Variants in CPSF6 observed in about 807,000 individuals in gnomAD.
CPSF6 encodes the protein cleavage and polyadenylation specificity factor subunit 6.
CPSF6 carries 10 observed loss-of-function variants against 56.7 expected under a neutral mutation model. The observed-to-expected ratio is 0.18, with a 90% CI of 0.11 to 0.30. The LOEUF (loss-of-function observed/expected upper bound fraction) is 0.30. Among genes scored for constraint, CPSF6 ranks in the 10% least tolerant of loss-of-function variants. The probability of loss-of-function intolerance (pLI) is 1.00; values close to 1 mark genes in which losing one functional copy is unlikely to be tolerated. For missense variants in CPSF6, 419 were observed against 722.9 expected (o/e 0.58, Z 4.82); for synonymous variants, 248 against 244.8 (o/e 1.01, Z -0.12).
At chr12:69,242,215 C>A (rs564576508) in intron 1 of CPSF6, among the ~76,000 whole-genome samples, 74 of 148,960 alleles carry the variant, frequency 5.0e-4, no homozygotes, top group Admixed American at 2.4e-3. Context: ...AAAAAAAAAT[C>A]TTTGTTTTCC....
rs1290118981 is a variant in CPSF6 at position 69,258,935 on chromosome 12, C to A, written c.1040C>A (p.Pro347His). 6.2e-7 allele frequency: 1 copy of A among 1,614,038 alleles called. No individual in the cohort carries two copies. The highest frequency in any genetic ancestry group is 2.2e-5 in the East Asian group (1 of 44,892). The change falls in exon 6 of 10, where the codon CCT becomes CAT. Residue 347 changes from proline (P) to histidine (H), a missense_variant. Coordinates refer to ENST00000435070, the MANE Select transcript of CPSF6 (RefSeq NM_007007.3). This position sits in a 1 kb window ranked among gnomAD's most constrained non-coding sequence, Gnocchi z 4.2. ...LAPPPHLPGP[P>H]PGAPPPAPHV... is the part of the protein sequence containing the mutation. The stretch of plus-strand genomic sequence containing the variant: ...CCTCCTCCGCATCTTCCTGGACCAC[C>A]TCCAGGTGCCCCACCGCCAGCTCCG...
chr12:69,256,069 G>C (rs576407724), intron 3 of CPSF6, among the ~76,000 whole-genome samples: 1 of 152,326 alleles, frequency 6.6e-6, no homozygotes, highest in African/African-American at 2.4e-5. Flanking sequence ...GGTGATGCAT[G>C]CTGTAACAGT....
intron 8 of CPSF6, among the ~76,000 whole-genome samples, chr12:69,260,504 C>T (rs954482137): frequency 6.6e-6 from 1 of 152,136 alleles, no homozygotes; most frequent in Non-Finnish European, 1.5e-5. Context: ...CCATATTTCT[C>T]CTTTTCTTTA....
At chr12:69,239,924 G>C (rs1439217474) in intron 1 of CPSF6, among the ~76,000 whole-genome samples, 1 of 149,464 alleles carries the variant, frequency 6.7e-6, no homozygotes, top group Non-Finnish European at 1.5e-5. Flanking sequence ...GCGGGGCCCG[G>C]AGCGCGGACG....
intron 9 of CPSF6, among the ~76,000 whole-genome samples, chr12:69,265,507 T>C (rs998077665): frequency 1.3e-5 from 2 of 152,148 alleles, no homozygotes; most frequent in Non-Finnish European, 2.9e-5. Context: ...CTCTATTTTA[T>C]GAGGTTTTAC....
intron 9 of CPSF6, among the ~76,000 whole-genome samples, chr12:69,268,249 A>G (rs1046673423): frequency 6.6e-6 from 1 of 151,846 alleles, no homozygotes; most frequent in Admixed American, 6.6e-5. Context: ...TAAGATGAAG[A>G]TGCAATAAAA....
At chr12:69,256,551 T>A in intron 3 of CPSF6, 146 bp from the exon 4 acceptor site, 1 of 741,590 alleles carries the variant, frequency 1.3e-6, no homozygotes, top group Non-Finnish European at 2.1e-6. Context: ...GCCTCAACCT[T>A]CTAAGCAGCT....
rs1873209455 is a variant in CPSF6, at chr12:69,270,888, A to T, written c.*1380A>T. The T allele has an allele frequency of 6.6e-6, 1 of 151,758 alleles. No individual in the cohort carries two copies. The highest frequency in any genetic ancestry group is 1.5e-5 in the Non-Finnish European group (1 of 67,706). The allele number at this position is 151,758 out of a possible 1,614,324, so 9.4% of individuals were successfully genotyped here. On this transcript the variant is annotated 3_prime_UTR_variant, in exon 10 of 10. Transcript: ENST00000435070. ...TTGACTTAAAATTCTTGAGCACGTTAATATGTTTTTAAGATCTGATTATCT... is the reference window on the plus strand; with the variant it reads ...TTGACTTAAAATTCTTGAGCACGTTTATATGTTTTTAAGATCTGATTATCT...
At chr12:69,268,796 C>G (rs1873112145) in intron 9 of CPSF6, among the ~76,000 whole-genome samples, 1 of 151,526 alleles carries the variant, frequency 6.6e-6, no homozygotes, top group South Asian at 2.1e-4. Flanking sequence ...TTTAAATGAA[C>G]TTTATCATTG....
chr12:69,244,898 C>G (rs1871813100), intron 1 of CPSF6, among the ~76,000 whole-genome samples: 1 of 151,878 alleles, frequency 6.6e-6, no homozygotes, highest in South Asian at 2.1e-4. Flanking sequence ...GACTGACTTG[C>G]CTGAGGCTGT....
chr12:69,260,421 A>C (rs954929831), intron 8 of CPSF6, among the ~76,000 whole-genome samples: 3 of 151,722 alleles, frequency 2.0e-5, no homozygotes, highest in Admixed American at 6.6e-5. Flanking sequence ...ACTGTGTGAT[A>C]AAGCCCCTGC....
In CPSF6 at chr12:69,258,335, A is replaced by C; in HGVS notation, c.695-255A>C. ...GTGTGTACACGGAAAGATGGAAAAT[A>C]TCTCTAGGCATTGTAATATTTTTTT... On this transcript the variant is annotated intron_variant, in intron 5 of 9. Coordinates refer to ENST00000435070, the MANE Select transcript of CPSF6 (RefSeq NM_007007.3). The surrounding 1 kb of genome is among the most constrained non-coding windows in gnomAD (Gnocchi z 4.2). 1.7e-6 allele frequency: 1 copy of C among 585,396 alleles called. No individual in the cohort carries two copies. The highest frequency in any genetic ancestry group is 2.9e-6 in the Non-Finnish European group (1 of 343,226). The allele number at this position is 585,396 out of a possible 1,614,324, so 36.3% of individuals were successfully genotyped here. A position where few individuals can be genotyped will look rare whatever the true frequency, so the allele number is the denominator to read the frequency against.
At chr12:69,259,117 A>G (rs1408516727) in intron 6 of CPSF6, 23 bp downstream of exon 6, 1 of 1,579,930 alleles carries the variant, frequency 6.3e-7, no homozygotes, top group East Asian at 2.2e-5. Context: ...GTATCTGTGA[A>G]AGTACTTGAT....
At position 69,271,970 on chromosome 12, in the gene CPSF6, A is replaced by G. The variant is rs1353766666; in HGVS notation, c.*2462A>G. On this transcript the variant is annotated 3_prime_UTR_variant, in exon 10 of 10. Coordinates refer to ENST00000435070, the MANE Select transcript of CPSF6 (RefSeq NM_007007.3). ...GTGAAAACAAACGAGTTGAATTTTA[A>G]AACATAGCATTTATTAGTGCTATAC... 6.6e-6 allele frequency: 1 copy of G among 151,726 alleles called. No homozygotes were observed. 9.4% of individuals were successfully genotyped at this position (151,726 alleles called of 1,614,324 possible). A position where few individuals can be genotyped will look rare whatever the true frequency, so the allele number is the denominator to read the frequency against.
intron 9 of CPSF6, among the ~76,000 whole-genome samples, chr12:69,263,951 C>A (rs903090266): frequency 6.6e-6 from 1 of 151,932 alleles, no homozygotes; most frequent in Admixed American, 6.6e-5. Context: ...TCAAAACATT[C>A]TTTTAATATG....
chr12:69,246,934 G>A (rs1871938074), intron 1 of CPSF6, among the ~76,000 whole-genome samples: 1 of 151,600 alleles, frequency 6.6e-6, no homozygotes, highest in African/African-American at 2.4e-5. Context: ...AAAGTGGTGG[G>A]ATTAACAGGC....
chr12:69,250,133 C>T (rs1872154047), intron 1 of CPSF6, among the ~76,000 whole-genome samples: 1 of 152,036 alleles, frequency 6.6e-6, no homozygotes, highest in Admixed American at 6.6e-5. Context: ...TTTACATACC[C>T]ATATTTCTTC....
chr12:69,261,648 G>A (rs950084683), intron 8 of CPSF6, among the ~76,000 whole-genome samples: 3 of 151,440 alleles, frequency 2.0e-5, no homozygotes, highest in Non-Finnish European at 4.4e-5. Context: ...GCTGTCTGGT[G>A]CAGAAATACA....
chr12:69,267,686 C>A (rs1873057594), intron 9 of CPSF6, among the ~76,000 whole-genome samples: 1 of 151,754 alleles, frequency 6.6e-6, no homozygotes, highest in South Asian at 2.1e-4. Context: ...TTTGTATTTC[C>A]AAGTGCATAA....
Sources: allele counts gnomAD v4.1 joint callset (sites outside exome capture counted in the v4.1 genomes callset), GRCh38; gene constraint gnomAD v4.1.1; non-coding constraint Gnocchi (gnomAD v3.1); transcripts MANE v1.5; gene names NCBI Gene and HGNC (gene_info 2026-07-23, HGNC 2026-07-21).